The following AFF3 variants were observed in gnomAD, a reference collection of about 807,000 sequenced individuals.
AFF3 encodes ALF transcription elongation factor 3.
AFF3 carries 32 observed loss-of-function variants against 129.7 expected under a neutral mutation model. The ratio of observed to expected loss-of-function variants is 0.25; its 90% CI spans 0.19 to 0.33. The LOEUF (loss-of-function observed/expected upper bound fraction) is 0.33, where lower values mean the gene tolerates loss of function less well. AFF3 is among the 10% of genes least tolerant of loss of function. The probability of loss-of-function intolerance (pLI) is 1.00; values close to 1 mark genes in which losing one functional copy is unlikely to be tolerated. For synonymous variants in AFF3, 644 were observed against 635.4 expected (o/e 1.01, Z -0.20); for missense variants, 1,373 against 1,592.0 (o/e 0.86, Z 2.34).
intron 7 of AFF3, among the ~76,000 whole-genome samples, chr2:99,941,647 G>C (rs1042760889): frequency 7.9e-5 from 12 of 152,140 alleles, no homozygotes; most frequent in African/African-American, 2.9e-4. Context: ...GCTCTATCTG[G>C]GGGCTTCTTA....
intron 11 of AFF3, among the ~76,000 whole-genome samples, chr2:99,718,543 C>T (rs1296970547): frequency 2.7e-5 from 4 of 145,582 alleles, no homozygotes; most frequent in Admixed American, 1.4e-4. Context: ...TAGTAGTAGT[C>T]CTTAGATTCT....
At chr2:99,967,965 C>T (rs1245999840) in intron 7 of AFF3, among the ~76,000 whole-genome samples, 2 of 152,240 alleles carry the variant, frequency 1.3e-5, no homozygotes, top group African/African-American at 2.4e-5. Context: ...CAGCCTGCAA[C>T]ATACCATTCT....
intron 4 of AFF3, among the ~76,000 whole-genome samples, chr2:100,042,887 T>A (rs1216370773): frequency 6.6e-6 from 1 of 152,212 alleles, no homozygotes; most frequent in Admixed American, 6.5e-5. Flanking sequence ...TTATTTTAGC[T>A]TTCTTAGTGA....
intron 11 of AFF3, among the ~76,000 whole-genome samples, chr2:99,700,131 T>A (rs908817716): frequency 3.9e-5 from 6 of 152,176 alleles, no homozygotes; most frequent in African/African-American, 1.4e-4. Context: ...TCCTTTTTTT[T>A]TTTTTTTGAG....
At chr2:99,677,939 C>T (rs1674152724) in intron 11 of AFF3, among the ~76,000 whole-genome samples, 1 of 152,126 alleles carries the variant, frequency 6.6e-6, no homozygotes, top group South Asian at 2.1e-4. Context: ...CCACCTCAGC[C>T]TCCCATGTAT....
chr2:99,887,972 T>C (rs1486646726), intron 7 of AFF3, among the ~76,000 whole-genome samples: 2 of 152,172 alleles, frequency 1.3e-5, no homozygotes, highest in Non-Finnish European at 2.9e-5. Flanking sequence ...TCCATGGACG[T>C]CCATGATTCT....
intron 12 of AFF3, among the ~76,000 whole-genome samples, chr2:99,669,028 T>C (rs1456745447): frequency 6.6e-6 from 1 of 152,198 alleles, no homozygotes; most frequent in African/African-American, 2.4e-5. Context: ...GACAAATGTG[T>C]GGTGAGGATG....
At chr2:99,796,808 G>A (rs1224689125) in intron 8 of AFF3, among the ~76,000 whole-genome samples, 1 of 152,152 alleles carries the variant, frequency 6.6e-6, no homozygotes, top group African/African-American at 2.4e-5. Context: ...TACAAGGCCA[G>A]GAACAGAAAT....
chr2:99,751,662 T>C (rs1387118677), intron 9 of AFF3, among the ~76,000 whole-genome samples: 1 of 152,176 alleles, frequency 6.6e-6, no homozygotes, highest in Non-Finnish European at 1.5e-5. Flanking sequence ...ATGTAGTATG[T>C]GTCAGTTATT....
intron 7 of AFF3, among the ~76,000 whole-genome samples, chr2:99,896,446 G>A (rs1444852390): frequency 6.6e-6 from 1 of 151,898 alleles, no homozygotes; most frequent in African/African-American, 2.4e-5. Context: ...ACTTCTGCAG[G>A]AGTCTCTGGT....
intron 22 of AFF3, among the ~76,000 whole-genome samples, chr2:99,558,545 A>G (rs1430448165): frequency 6.6e-6 from 1 of 152,086 alleles, no homozygotes. Context: ...GCTTGAACCC[A>G]GGAGGCGGAG....
chr2:99,882,211 T>C (rs578155030), intron 7 of AFF3, among the ~76,000 whole-genome samples: 2 of 152,292 alleles, frequency 1.3e-5, no homozygotes, highest in South Asian at 4.2e-4. Flanking sequence ...ATATATAAAA[T>C]GAAGACACAA....
Position 99,551,243 on chromosome 2 carries a change from C to T in AFF3, c.*231G>A. On this transcript the variant is annotated 3_prime_UTR_variant, in exon 25 of 25. Transcript: ENST00000672756. ...CTAGCCTGGGATTATGGAAACTAGA[C>T]AAAGAAGGTGTGTTCTGAAGAGCTG... 1 of 587,030 alleles carries T rather than the reference C, an allele frequency of 1.7e-6. No homozygotes were observed. Among genetic ancestry groups the T allele is most frequent in the Non-Finnish European group, 3.0e-6 (1 of 337,464 alleles). 36.4% of individuals were successfully genotyped at this position (587,030 alleles called of 1,614,324 possible).
At chr2:99,879,087 G>GA in intron 7 of AFF3, among the ~76,000 whole-genome samples, 1 of 152,294 alleles carries the variant, frequency 6.6e-6, no homozygotes, top group Admixed American at 6.5e-5. Flanking sequence ...TCATAGGGTT[G>GA]AAAAAAATTC....
chr2:99,750,412 TCTTTTC>T (rs1558814167), intron 9 of AFF3, among the ~76,000 whole-genome samples: 3 of 12,018 alleles, frequency 2.5e-4, no homozygotes, highest in Admixed American at 1.0e-3. Context: ...TTTTTTTTTT[TCTTTTC>T]TTTTTTTTTT....
At chr2:100,106,354 CAT>C (rs1246043011) in intron 2 of AFF3, 1 of 1,152,712 alleles carries the variant, frequency 8.7e-7, no homozygotes, top group Non-Finnish European at 1.1e-6. Flanking sequence ...TAGGTAAAAA[CAT>C]AGAGAATATG....
At chr2:100,106,895 G>T in intron 2 of AFF3, 1 of 985,460 alleles carries the variant, frequency 1.0e-6, no homozygotes, top group Non-Finnish European at 1.2e-6. Flanking sequence ...CCCTGGGATG[G>T]TATAGAGCTG....
intron 8 of AFF3, among the ~76,000 whole-genome samples, chr2:99,802,691 GTC>G (rs1225350271): frequency 3.9e-4 from 33 of 85,140 alleles, no homozygotes; most frequent in South Asian, 3.6e-3. Context: ...TTCCTAGGGT[GTC>G]TTTTTTTTTT....
chr2:99,751,411 T>C (rs1320335893), intron 9 of AFF3, among the ~76,000 whole-genome samples: 1 of 152,246 alleles, frequency 6.6e-6, no homozygotes, highest in Non-Finnish European at 1.5e-5. Flanking sequence ...GTGATATTGA[T>C]ATTTAGTAAC....
Sources: allele counts gnomAD v4.1 joint callset (sites outside exome capture counted in the v4.1 genomes callset), GRCh38; gene constraint gnomAD v4.1.1; transcripts MANE v1.5; gene names NCBI Gene and HGNC (gene_info 2026-07-23, HGNC 2026-07-21).